Variants in SNTG1 observed in about 807,000 individuals in gnomAD.
SNTG1 encodes the protein syntrophin gamma 1, also known as gamma-1-syntrophin.
A neutral mutation model predicts 74.7 loss-of-function variants in SNTG1; 39 were observed. The observed-to-expected ratio is 0.52, with a 90% CI of 0.40 to 0.68. The LOEUF is 0.68. SNTG1 is among the 30% of genes least tolerant of loss of function. The probability of loss-of-function intolerance (pLI) is 0.00; values close to 1 mark genes in which losing one functional copy is unlikely to be tolerated. For synonymous variants in SNTG1, 254 were observed against 217.1 expected, an observed-to-expected ratio of 1.17 and a Z score of -1.49; for missense variants, 685 against 609.5, an observed-to-expected ratio of 1.12 and a Z score of -1.30.
intron 2 of SNTG1, among the ~76,000 whole-genome samples, chr8:50,194,698 C>A (rs1180337790): frequency 6.6e-6 from 1 of 151,868 alleles, no homozygotes; most frequent in Non-Finnish European, 1.5e-5. Flanking sequence ...AATTTCCTTT[C>A]TTCTGCTGGG....
At chr8:50,411,046 A>G in intron 4 of SNTG1, among the ~76,000 whole-genome samples, 1 of 152,162 alleles carries the variant, frequency 6.6e-6, no homozygotes, top group Non-Finnish European at 1.5e-5. Flanking sequence ...CCGTTTTTAC[A>G]TTTGATTGTA....
intron 2 of SNTG1, among the ~76,000 whole-genome samples, chr8:50,245,704 A>G (rs1234544413): frequency 2.0e-5 from 3 of 152,108 alleles, no homozygotes; most frequent in Non-Finnish European, 4.4e-5. Flanking sequence ...CAGACAAAAG[A>G]AAACAAAACA....
intron 13 of SNTG1, among the ~76,000 whole-genome samples, chr8:50,618,891 ATGTG>A (rs34924863): frequency 6.7e-6 from 1 of 148,344 alleles, no homozygotes; most frequent in Non-Finnish European, 1.5e-5. Flanking sequence ...ATATGTGTAT[ATGTG>A]TGTGTGTGTG....
At chr8:49,920,039 T>C (rs75670807) in intron 1 of SNTG1, among the ~76,000 whole-genome samples, 1,937 of 152,206 alleles carry the variant, frequency 0.013, 43 homozygotes, top group African/African-American at 0.042. Flanking sequence ...TTCAAACACA[T>C]CTTTTTCTCA....
intron 2 of SNTG1, among the ~76,000 whole-genome samples, chr8:50,281,177 T>C (rs1272766201): frequency 6.6e-6 from 1 of 152,056 alleles, no homozygotes; most frequent in African/African-American, 2.4e-5. Flanking sequence ...TAGAGTCAGG[T>C]TGGAATTTGG....
At chr8:49,946,978 A>C (rs1407286106) in intron 1 of SNTG1, among the ~76,000 whole-genome samples, 2 of 152,204 alleles carry the variant, frequency 1.3e-5, no homozygotes, top group African/African-American at 4.8e-5. Flanking sequence ...AATTCGTAAT[A>C]GCTACGAGAG....
intron 2 of SNTG1, among the ~76,000 whole-genome samples, chr8:50,175,856 T>TATC (rs1448073109): frequency 2.0e-5 from 3 of 152,218 alleles, no homozygotes; most frequent in African/African-American, 7.2e-5. Context: ...TTCTTAAATA[T>TATC]ATCTCTTTGC....
At position 50,056,697 on chromosome 8, in the gene SNTG1, T is replaced by A. The variant is rs1820051773; in HGVS notation, c.-102-115864T>A. On this transcript the variant is annotated intron_variant, in intron 1 of 18. Coordinates refer to ENST00000642720, the MANE Select transcript of SNTG1 (RefSeq NM_018967.5). Reference sequence around the variant, plus strand: ...GCCGTGTGGTTTACTGTATGTAAAGTCTTTTAGAACATTGTCTGGTGCAAA... The same window carrying A: ...GCCGTGTGGTTTACTGTATGTAAAGACTTTTAGAACATTGTCTGGTGCAAA... Among the ~76,000 whole-genome samples, 5 of 152,320 alleles carry A rather than the reference T, an allele frequency of 3.3e-5. No homozygotes were observed. The South Asian group carries it at 1.0e-3, about 32-fold the overall frequency.
chr8:50,440,601 A>T (rs553119187), intron 5 of SNTG1, among the ~76,000 whole-genome samples: 25 of 152,348 alleles, frequency 1.6e-4, no homozygotes, highest in African/African-American at 5.8e-4. Flanking sequence ...CTATTTATTT[A>T]CAGTTTTCAG....
chr8:49,934,795 A>T (rs1807909758), intron 1 of SNTG1, among the ~76,000 whole-genome samples: 1 of 152,144 alleles, frequency 6.6e-6, no homozygotes, highest in Non-Finnish European at 1.5e-5. Context: ...TTAAAATCTA[A>T]TCTCCATAAG....
intron 17 of SNTG1, among the ~76,000 whole-genome samples, chr8:50,718,856 A>G (rs2095480971): frequency 6.6e-6 from 1 of 152,256 alleles, no homozygotes; most frequent in Admixed American, 6.5e-5. Flanking sequence ...ATTTTATTTT[A>G]TAAAGTGCTT....
intron 16 of SNTG1, among the ~76,000 whole-genome samples, chr8:50,707,374 C>T (rs1220694613): frequency 6.6e-6 from 1 of 152,066 alleles, no homozygotes; most frequent in East Asian, 1.9e-4. Flanking sequence ...TGGATGTAAG[C>T]ATGCACAATG....
intron 13 of SNTG1, among the ~76,000 whole-genome samples, chr8:50,635,269 G>T (rs1038591093): frequency 1.3e-5 from 2 of 151,976 alleles, no homozygotes; most frequent in African/African-American, 2.4e-5. Context: ...ACTTTAGTTT[G>T]GCCAACAAAA....
chr8:50,040,251 T>G lies in SNTG1; in HGVS notation c.-103+128020T>G, dbSNP rs10102192. ...ACTTTTTGCTTCAGGTAGAAATATT[T>G]GCACCACACACTAAAACCTACTGCA... is the stretch of plus-strand genomic sequence containing the variant. On this transcript the variant is annotated intron_variant, in intron 1 of 18. Coordinates refer to ENST00000642720, the MANE Select transcript of SNTG1 (RefSeq NM_018967.5). Among the ~76,000 whole-genome samples, 673 of 152,274 alleles carry G rather than the reference T, an allele frequency of 4.4e-3. 6 individuals carry two copies. Among genetic ancestry groups the G allele is most frequent in the African/African-American group, 0.016 (650 of 41,552 alleles).
intron 2 of SNTG1, among the ~76,000 whole-genome samples, chr8:50,353,354 T>A (rs934394678): frequency 2.6e-5 from 4 of 152,004 alleles, no homozygotes; most frequent in African/African-American, 9.7e-5. Context: ...TGTATACATG[T>A]GTAACAAACC....
intron 1 of SNTG1, among the ~76,000 whole-genome samples, chr8:50,109,893 T>G (rs1444386553): frequency 6.6e-6 from 1 of 152,172 alleles, no homozygotes; most frequent in Non-Finnish European, 1.5e-5. Flanking sequence ...TTCTGGAAGT[T>G]CCCACCTTTG....
chr8:50,147,285 C>A (rs1286348532), intron 1 of SNTG1, among the ~76,000 whole-genome samples: 1 of 152,022 alleles, frequency 6.6e-6, no homozygotes, highest in Non-Finnish European at 1.5e-5. Flanking sequence ...ATGAATCAAA[C>A]TATATTATAA....
intron 2 of SNTG1, among the ~76,000 whole-genome samples, chr8:50,282,021 A>C (rs1017418599): frequency 2.0e-5 from 3 of 152,152 alleles, no homozygotes; most frequent in Non-Finnish European, 4.4e-5. Context: ...ACCTTGATCA[A>C]AAACTGCCCA....
chr8:50,390,853 T>A lies in SNTG1; in HGVS notation c.-27-3359T>A, dbSNP rs576782234. Among the ~76,000 whole-genome samples, 73 of 152,218 alleles carry A rather than the reference T, an allele frequency of 4.8e-4. 1 individual carries two copies. The highest frequency in any genetic ancestry group is 1.1e-3 in the African/African-American group (45 of 41,576). Reference sequence around the variant, plus strand: ...AGCAATTGTGAATGGGAATTCACTCTTTATTTGGCTCTCTGTTTGTCTGTT... The same window carrying A: ...AGCAATTGTGAATGGGAATTCACTCATTATTTGGCTCTCTGTTTGTCTGTT... On this transcript the variant is annotated intron_variant, in intron 2 of 18. Coordinates refer to ENST00000642720, the MANE Select transcript of SNTG1 (RefSeq NM_018967.5).
Sources: allele counts gnomAD v4.1 joint callset (sites outside exome capture counted in the v4.1 genomes callset), GRCh38; gene constraint gnomAD v4.1.1; transcripts MANE v1.5; gene names NCBI Gene and HGNC (gene_info 2026-07-23, HGNC 2026-07-21).